SPPL3: variants seen among roughly 807,000 people sequenced by gnomAD.
SPPL3 encodes the protein signal peptide peptidase like 3, also known as signal peptide peptidase-like 3.
A neutral mutation model predicts 42.4 loss-of-function variants in SPPL3; 5 were observed. That is an observed-to-expected ratio of 0.12 (90% CI 0.06 to 0.25). The LOEUF is 0.25. SPPL3 is among the 10% of genes least tolerant of loss of function. The pLI is 1.00. For missense variants in SPPL3, 235 were observed against 489.0 expected (o/e 0.48, Z 4.90); for synonymous variants, 195 against 181.8 (o/e 1.07, Z -0.58).
At chr12:120,822,368 A>C (rs1351690342) in intron 1 of SPPL3, among the ~76,000 whole-genome samples, 1 of 152,228 alleles carries the variant, frequency 6.6e-6, no homozygotes, top group African/African-American at 2.4e-5. Flanking sequence ...GTTTCATTAA[A>C]AGATTATTCC....
Position 120,764,318 on chromosome 12 carries a change from T to A in SPPL3, c.*681A>T, listed in dbSNP as rs982919694. The A allele has an allele frequency of 6.6e-6, 1 of 151,942 alleles. No homozygotes were observed. Among genetic ancestry groups the A allele is most frequent in the Non-Finnish European group, 1.5e-5 (1 of 67,936 alleles). The allele number at this position is 151,942 out of a possible 1,614,324, so 9.4% of individuals were successfully genotyped here. A position where few individuals can be genotyped will look rare whatever the true frequency, so the allele number is the denominator to read the frequency against. ...TATTCATATATATCTATGTGTGTGT[T>A]TATATATATATATGTACGTATGTAT... On this transcript the variant is annotated 3_prime_UTR_variant, in exon 11 of 11. Transcript: ENST00000353487.
intron 2 of SPPL3, among the ~76,000 whole-genome samples, chr12:120,799,530 C>G (rs1041972804): frequency 2.0e-5 from 3 of 152,172 alleles, no homozygotes; most frequent in Admixed American, 6.5e-5. Flanking sequence ...AGAACTGCAG[C>G]AGGGACAGGA....
At chr12:120,876,302 G>C (rs930133579) in intron 1 of SPPL3, among the ~76,000 whole-genome samples, 21 of 152,042 alleles carry the variant, frequency 1.4e-4, no homozygotes, top group African/African-American at 4.8e-4. Flanking sequence ...GAAATAATAA[G>C]GGAAATTAGA....
intron 1 of SPPL3, among the ~76,000 whole-genome samples, chr12:120,864,506 G>A (rs1378305485): frequency 3.3e-5 from 5 of 152,074 alleles, no homozygotes; most frequent in Admixed American, 1.3e-4. Flanking sequence ...TTGCACTCCA[G>A]CCCAGACAAG....
chr12:120,823,448 T>G (rs1263898407), intron 1 of SPPL3, among the ~76,000 whole-genome samples: 1 of 152,164 alleles, frequency 6.6e-6, no homozygotes, highest in Non-Finnish European at 1.5e-5. Context: ...ATATCTTACT[T>G]GATATCCCCG....
At chr12:120,802,526 C>T (rs1870349491) in intron 2 of SPPL3, among the ~76,000 whole-genome samples, 1 of 150,638 alleles carries the variant, frequency 6.6e-6, no homozygotes. Flanking sequence ...CCTCTGCCTC[C>T]CAGTTCAAGC....
chr12:120,797,061 C>G (rs748984233), intron 2 of SPPL3, among the ~76,000 whole-genome samples: 20 of 152,088 alleles, frequency 1.3e-4, no homozygotes, highest in Non-Finnish European at 2.4e-4. Context: ...TCCGAGCTAC[C>G]CAGGAGGCTG....
chr12:120,882,278 A>G (rs901487440), intron 1 of SPPL3, among the ~76,000 whole-genome samples: 2 of 152,094 alleles, frequency 1.3e-5, no homozygotes, highest in African/African-American at 4.8e-5. Context: ...TGGGATGTGG[A>G]TAAGAGGGGA....
At chr12:120,890,250 A>C (rs1487631255) in intron 1 of SPPL3, among the ~76,000 whole-genome samples, 2 of 151,828 alleles carry the variant, frequency 1.3e-5, no homozygotes, top group African/African-American at 2.4e-5. Flanking sequence ...ATTCCATCCC[A>C]AAAAAATAAA....
intron 1 of SPPL3, among the ~76,000 whole-genome samples, chr12:120,852,997 C>T (rs1194920381): frequency 6.6e-6 from 1 of 151,202 alleles, no homozygotes; most frequent in Admixed American, 6.6e-5. Flanking sequence ...TGGGTTCAAG[C>T]GATTCTCCTG....
At position 120,763,989 on chromosome 12, in the gene SPPL3, G is replaced by C. The variant is rs1868773771; in HGVS notation, c.*1010C>G. ...TATAATACATGCATTGGCTCGAGAA[G>C]AAACTACGGAACACCCTGCGAGGGA... On this transcript the variant is annotated 3_prime_UTR_variant, in exon 11 of 11. Transcript: ENST00000353487. The C allele has an allele frequency of 6.6e-6, 1 of 152,598 alleles. No homozygotes were observed. Among genetic ancestry groups the C allele is most frequent in the Admixed American group, 6.5e-5 (1 of 15,278 alleles). 9.5% of individuals were successfully genotyped at this position (152,598 alleles called of 1,614,324 possible).
chr12:120,855,622 G>T (rs1054013782), intron 1 of SPPL3, among the ~76,000 whole-genome samples: 1 of 151,826 alleles, frequency 6.6e-6, no homozygotes, highest in African/African-American at 2.4e-5. Flanking sequence ...GGGAGATGGT[G>T]GTTACAGTGA....
rs1033298138 is a variant in SPPL3, at chr12:120,844,696, G to GT, written c.24-33811dup. The stretch of plus-strand genomic sequence containing the variant: ...TATGATCTTTTTATGGCTGGCTTTT[G>GT]TTTTTTTTTTAAGCAAAAGACAAAA... On this transcript the variant is annotated intron_variant, in intron 1 of 10. Transcript: ENST00000353487. Among the ~76,000 whole-genome samples, 118 of 145,934 alleles carry GT rather than the reference G, an allele frequency of 8.1e-4. 1 individual carries two copies. Among genetic ancestry groups the GT allele is most frequent in the Admixed American group, 2.7e-3 (39 of 14,634 alleles).
chr12:120,836,236 A>G (rs150131861), intron 1 of SPPL3, among the ~76,000 whole-genome samples: 34 of 152,036 alleles, frequency 2.2e-4, no homozygotes, highest in African/African-American at 7.7e-4. Flanking sequence ...TTCTCCAACC[A>G]AAAGACGGCT....
intron 1 of SPPL3, among the ~76,000 whole-genome samples, chr12:120,825,959 T>C (rs955876531): frequency 7.1e-5 from 7 of 99,196 alleles, no homozygotes; most frequent in Admixed American, 9.3e-5. Context: ...CCAGGGTGTC[T>C]ATCTCTGGTG....
chr12:120,879,050 T>C (rs942624137), intron 1 of SPPL3, among the ~76,000 whole-genome samples: 5 of 136,944 alleles, frequency 3.7e-5, no homozygotes, highest in African/African-American at 8.2e-5. Flanking sequence ...GAGGCGGAGG[T>C]TGTGGTGAGC....
At chr12:120,896,050 ATCCTT>A (rs1002257069) in intron 1 of SPPL3, among the ~76,000 whole-genome samples, 2 of 152,170 alleles carry the variant, frequency 1.3e-5, no homozygotes, top group Non-Finnish European at 2.9e-5. Flanking sequence ...AAAAAAAAAA[ATCCTT>A]TGGTGGTTCT....
chr12:120,886,666 C>A (rs539645473), intron 1 of SPPL3, among the ~76,000 whole-genome samples: 1 of 152,250 alleles, frequency 6.6e-6, no homozygotes, highest in South Asian at 2.1e-4. Flanking sequence ...TCTCTGAAAC[C>A]CTCTAAACAC....
intron 1 of SPPL3, among the ~76,000 whole-genome samples, chr12:120,847,887 T>A (rs114465356): frequency 6.6e-6 from 1 of 152,304 alleles, no homozygotes; most frequent in East Asian, 1.9e-4. Flanking sequence ...AAATGCCACA[T>A]TGAATCTGAA....
Sources: gnomAD v4.1 joint callset for allele counts (sites outside exome capture counted in the v4.1 genomes callset) on GRCh38, gnomAD v4.1.1 for gene constraint, MANE v1.5 for transcripts, NCBI Gene and HGNC (gene_info 2026-07-23, HGNC 2026-07-21) for gene names.